ACSL5: variants seen among roughly 807,000 people sequenced by gnomAD.
The protein encoded by ACSL5 is long-chain-fatty-acid--CoA ligase 5.
ACSL5 carries 50 observed loss-of-function variants against 84.9 expected under a neutral mutation model. The observed-to-expected ratio is 0.59, with a 90% CI of 0.47 to 0.75. The LOEUF is 0.75. ACSL5 is among the 30% of genes least tolerant of loss of function. The probability of loss-of-function intolerance (pLI) is 0.00; values close to 1 mark genes in which losing one functional copy is unlikely to be tolerated. For synonymous variants in ACSL5, 280 were observed against 300.7 expected (o/e 0.93, Z 0.71); for missense variants, 775 against 830.4 (o/e 0.93, Z 0.82).
rs1843717084 is a variant in ACSL5 at position 112,395,108 on chromosome 10, T to A, written c.156+6T>A. The A allele has an allele frequency of 6.2e-7, 1 of 1,610,028 alleles. No individual in the cohort carries two copies. Among genetic ancestry groups the A allele is most frequent in the Admixed American group, 1.7e-5 (1 of 59,880 alleles). ...ATCAGTCTGTGGGAATTGAGGTAAT[T>A]TACCAGTCATCCTTTTAGTTTGTCA... On this transcript the variant is annotated splice_donor_region_variant and intron_variant, in intron 2 of 20. Coordinates refer to ENST00000354655, the MANE Select transcript of ACSL5 (RefSeq NM_203379.2).
chr10:112,411,483 A>T lies in ACSL5; in HGVS notation c.824A>T (p.His275Leu). ...GACCCCAAAGGAGCCATGATAACCC[A>T]TCAAAATATTGTTTCAAATGCTGCT... ...TGDPKGAMIT[H>L]QNIVSNAAAF... Residue 275 changes from histidine (H) to leucine (L), a missense_variant, in exon 10 of 21, where the codon CAT becomes CTT. His to Leu is a moderately conservative substitution (Grantham distance 99). Transcript: ENST00000354655. The T allele has an allele frequency of 1.2e-6, 2 of 1,613,988 alleles. No homozygotes were observed. Among genetic ancestry groups the T allele is most frequent in the Non-Finnish European group, 1.7e-6 (2 of 1,179,846 alleles).
At chr10:112,392,334 C>T (rs199735140) in intron 1 of ACSL5, among the ~76,000 whole-genome samples, 5,794 of 85,092 alleles carry the variant, frequency 0.068, 43 homozygotes, top group East Asian at 0.19. Flanking sequence ...TGGCCAGGTA[C>T]GGTGGCTCAC....
Position 112,417,954 on chromosome 10 carries a change from C to T in ACSL5, c.1314+13C>T. On this transcript the variant is annotated intron_variant, in intron 14 of 20. Coordinates refer to ENST00000354655, the MANE Select transcript of ACSL5 (RefSeq NM_203379.2). ...AATGGGATGTCAGGTAAGCCAAGCA[C>T]CTTCTTTGAGAATAGGCTATTTTAC... 3.8e-6 allele frequency: 6 copies of T among 1,582,184 alleles called. No homozygotes were observed. The highest frequency in any genetic ancestry group is 2.3e-5 in the South Asian group (2 of 87,524).
chr10:112,426,918 C>T (rs1844747049), intron 20 of ACSL5, 59 bp downstream of exon 20: 2 of 1,366,756 alleles, frequency 1.5e-6, no homozygotes. Context: ...TTTAAAGTTT[C>T]CATCTAATGA....
Position 112,388,063 on chromosome 10 carries a change from C to T in ACSL5, c.-29-6855C>T, listed in dbSNP as rs186480450. 1.1e-3 allele frequency among the ~76,000 whole-genome samples: 169 copies of T among 151,818 alleles called. 1 individual carries two copies. The highest frequency in any genetic ancestry group is 1.7e-3 in the Non-Finnish European group (116 of 67,950). On this transcript the variant is annotated intron_variant, in intron 1 of 20. Coordinates refer to ENST00000354655, the MANE Select transcript of ACSL5 (RefSeq NM_203379.2). Reference sequence around the variant, plus strand: ...AAGGAATTCTTGTGCCAGAGCCTCCCGAGTAGCTGGGATTACAGGCATGCG... The same window carrying T: ...AAGGAATTCTTGTGCCAGAGCCTCCTGAGTAGCTGGGATTACAGGCATGCG...
intron 2 of ACSL5, among the ~76,000 whole-genome samples, chr10:112,398,465 C>T (rs907730463): frequency 9.2e-5 from 14 of 151,554 alleles, no homozygotes; most frequent in African/African-American, 3.2e-4. Flanking sequence ...AGTGCAGTGG[C>T]GCGATCTTGC....
At chr10:112,401,488 T>A (rs1157339175) in intron 3 of ACSL5, among the ~76,000 whole-genome samples, 1 of 152,246 alleles carries the variant, frequency 6.6e-6, no homozygotes, top group Non-Finnish European at 1.5e-5. Context: ...TTGCCAAGAA[T>A]TTGTTAATGG....
chr10:112,395,178 C>T, intron 2 of ACSL5, 76 bp downstream of exon 2: 1 of 1,418,036 alleles, frequency 7.1e-7, no homozygotes, highest in South Asian at 1.2e-5. Flanking sequence ...AGGGATAGCT[C>T]ATGAAGGGGA....
intron 1 of ACSL5, among the ~76,000 whole-genome samples, chr10:112,378,267 C>A (rs573894713): frequency 8.1e-6 from 1 of 123,090 alleles, no homozygotes; most frequent in Non-Finnish European, 1.6e-5. Flanking sequence ...TTGGAGGAGC[C>A]TCACTCTGTC....
intron 1 of ACSL5, among the ~76,000 whole-genome samples, chr10:112,386,602 T>C (rs1849458459): frequency 6.6e-6 from 1 of 152,152 alleles, no homozygotes; most frequent in African/African-American, 2.4e-5. Context: ...CTTTGTTAAG[T>C]TTTATTTTTT....
chr10:112,422,685 G>A lies in ACSL5; in HGVS notation c.1593+244G>A, dbSNP rs181080314. ...AGCCTGGCCAACATGGTGAAACTCC[G>A]TCTCTACTAAAAATACAAAAATTAG... On this transcript the variant is annotated intron_variant, in intron 17 of 20. Coordinates refer to ENST00000354655, the MANE Select transcript of ACSL5 (RefSeq NM_203379.2). 6.0e-3 allele frequency among the ~76,000 whole-genome samples: 918 copies of A among 151,870 alleles called. 5 individuals carry two copies. Among genetic ancestry groups the A allele is most frequent in the Admixed American group, 9.6e-3 (146 of 15,226 alleles).
rs1462220144 is a variant in ACSL5 at position 112,409,625 on chromosome 10, T to C, written c.651T>C (p.Asp217=). The C allele has an allele frequency of 3.1e-6, 5 of 1,614,188 alleles. No homozygotes were observed. The highest frequency in any genetic ancestry group is 1.3e-5 in the African/African-American group (1 of 75,056). ...KVIILMDPFD[D]DLKQRGEKSG... ...TCATCCTTATGGACCCCTTTGATGATGACCTGAAGCAAAGAGGGGAGAAGA... is the reference window on the plus strand; with the variant it reads ...TCATCCTTATGGACCCCTTTGATGACGACCTGAAGCAAAGAGGGGAGAAGA... The change falls in exon 7 of 21, where the codon GAT becomes GAC. Residue 217 remains aspartate (D), a synonymous_variant. Transcript: ENST00000354655.
chr10:112,409,534 C>A lies in ACSL5; in HGVS notation c.560C>A (p.Thr187Lys). The A allele has an allele frequency of 6.2e-7, 1 of 1,613,658 alleles. No homozygotes were observed. The highest frequency in any genetic ancestry group is 8.5e-7 in the Non-Finnish European group (1 of 1,179,972). The change falls in exon 7 of 21, where the codon ACA (threonine) becomes AAA (lysine). Residue 187 changes from threonine (T) to lysine (K), a missense_variant. Thr to Lys is a moderately conservative substitution (Grantham distance 78). Transcript: ENST00000354655. Reference protein sequence around the residue: ...KADIAMVICDTPQKALVLIGN... With the variant: ...KADIAMVICDKPQKALVLIGN... ...GATATCGCCATGGTGATCTGTGACACACCCCAAAAGGCATTGGTGCTGATA... is the reference window on the plus strand; with the variant it reads ...GATATCGCCATGGTGATCTGTGACAAACCCCAAAAGGCATTGGTGCTGATA...
At chr10:112,403,381 G>A (rs543454546) in intron 3 of ACSL5, among the ~76,000 whole-genome samples, 51 of 152,314 alleles carry the variant, frequency 3.3e-4, no homozygotes, top group African/African-American at 1.2e-3. Context: ...TCCACCTCCC[G>A]GGTGAAGCAA....
At chr10:112,395,279 T>C (rs1424283294) in intron 2 of ACSL5, among the ~76,000 whole-genome samples, 177 bp downstream of exon 2, 1 of 152,232 alleles carries the variant, frequency 6.6e-6, no homozygotes, top group African/African-American at 2.4e-5. Flanking sequence ...CATTTTCTTT[T>C]GTAATAAGGA....
chr10:112,417,701 C>T (rs1844350944), intron 13 of ACSL5, 145 bp from the exon 14 acceptor site: 8 of 694,342 alleles, frequency 1.2e-5, no homozygotes, highest in South Asian at 1.0e-4. Flanking sequence ...AGACTGTATT[C>T]TAAGTGCTTT....
At position 112,427,496 on chromosome 10, in the gene ACSL5, T is replaced by C; in HGVS notation, c.*138T>C. The C allele has an allele frequency of 1.3e-6, 1 of 751,968 alleles. No individual in the cohort carries two copies. Among genetic ancestry groups the C allele is most frequent in the Non-Finnish European group, 2.0e-6 (1 of 496,158 alleles). 46.6% of individuals were successfully genotyped at this position (751,968 alleles called of 1,614,324 possible). On this transcript the variant is annotated 3_prime_UTR_variant, in exon 21 of 21. Transcript: ENST00000354655. ...AACTCTAAAGCCATAGCTTTTGTTT[T>C]ATATTGAGACATATAATGTGTAAAC... is the stretch of plus-strand genomic sequence containing the variant.
At chr10:112,388,004 T>C (rs897236017) in intron 1 of ACSL5, among the ~76,000 whole-genome samples, 1 of 147,500 alleles carries the variant, frequency 6.8e-6, no homozygotes, top group Non-Finnish European at 1.5e-5. Context: ...AGTGGTGTGA[T>C]CTCAGCTCAC....
At position 112,395,030 on chromosome 10, in the gene ACSL5, C is replaced by A. The variant is rs139260729; in HGVS notation, c.84C>A (p.Phe28Leu). 1 of 1,614,124 alleles carries A rather than the reference C, an allele frequency of 6.2e-7. No homozygotes were observed. Among genetic ancestry groups the A allele is most frequent in the South Asian group, 1.1e-5 (1 of 91,080 alleles). The change falls in exon 2 of 21, where the codon TTC becomes TTA. Residue 28 changes from phenylalanine (F) to leucine (L), a missense_variant. Phe to Leu is a conservative substitution (Grantham distance 22, BLOSUM62 0). Transcript: ENST00000354655. ...ICILTFGAAI[F>L]LWLITRPQPV... ...TCCTGACATTTGGAGCTGCCATCTT[C>A]TTGTGGCTGATCACCAGACCTCAAC...
Sources: gnomAD v4.1 joint callset for allele counts (sites outside exome capture counted in the v4.1 genomes callset) on GRCh38, gnomAD v4.1.1 for gene constraint, MANE v1.5 for transcripts, NCBI Gene and HGNC (gene_info 2026-07-23, HGNC 2026-07-21) for gene names.